The following KCNIP4 variants were observed in gnomAD, a reference collection of about 807,000 sequenced individuals.
KCNIP4 encodes potassium voltage-gated channel interacting protein 4.
Under a neutral mutation model 34.0 loss-of-function variants are expected in KCNIP4, and 12 were observed. The observed-to-expected ratio is 0.35, with a 90% CI of 0.23 to 0.57. The LOEUF (loss-of-function observed/expected upper bound fraction) is 0.57, where lower values mean the gene tolerates loss of function less well. Among genes scored for constraint, KCNIP4 ranks in the 20% least tolerant of loss-of-function variants. The pLI is 0.83. For missense variants in KCNIP4, 238 were observed against 311.7 expected (o/e 0.76, Z 1.78); for synonymous variants, 124 against 102.2 (o/e 1.21, Z -1.29).
intron 1 of KCNIP4, among the ~76,000 whole-genome samples, chr4:21,760,335 C>A (rs936274798): frequency 1.1e-4 from 17 of 152,148 alleles, no homozygotes; most frequent in Non-Finnish European, 1.8e-4. Context: ...CTGGTAATAA[C>A]CATGCCAAGA....
intron 1 of KCNIP4, among the ~76,000 whole-genome samples, chr4:21,093,879 G>A (rs908053434): frequency 1.4e-4 from 22 of 152,120 alleles, no homozygotes; most frequent in South Asian, 6.2e-4. Flanking sequence ...TGAGGAGATC[G>A]AGACCATCCT....
At chr4:20,739,258 A>G (rs527367383) in intron 5 of KCNIP4, among the ~76,000 whole-genome samples, 1 of 152,312 alleles carries the variant, frequency 6.6e-6, no homozygotes, top group African/African-American at 2.4e-5. Flanking sequence ...GGAGTTTGAG[A>G]TCTGAGAACA....
intron 1 of KCNIP4, among the ~76,000 whole-genome samples, chr4:21,093,240 A>G (rs1747156589): frequency 6.6e-6 from 1 of 152,334 alleles, no homozygotes; most frequent in South Asian, 2.1e-4. Context: ...GCGATATTAC[A>G]GCATCTTCAA....
At chr4:21,245,030 G>A (rs1259710048) in intron 1 of KCNIP4, among the ~76,000 whole-genome samples, 4 of 152,104 alleles carry the variant, frequency 2.6e-5, no homozygotes, top group African/African-American at 4.8e-5. Flanking sequence ...CCTTTCTATC[G>A]TATACGAGTA....
chr4:21,743,034 C>T (rs1183270251), intron 1 of KCNIP4, among the ~76,000 whole-genome samples: 2 of 152,020 alleles, frequency 1.3e-5, no homozygotes, highest in Non-Finnish European at 2.9e-5. Flanking sequence ...TTCGGATTTA[C>T]CGTGGATCTG....
chr4:21,523,249 G>C (rs570148380), intron 1 of KCNIP4, among the ~76,000 whole-genome samples: 107 of 152,234 alleles, frequency 7.0e-4, no homozygotes, highest in African/African-American at 2.4e-3. Context: ...AATGAACTAA[G>C]ACACCTATGG....
intron 1 of KCNIP4, among the ~76,000 whole-genome samples, chr4:21,030,226 A>C (rs28362055): frequency 0.025 from 3,760 of 152,106 alleles, 148 homozygotes; most frequent in African/African-American, 0.085. Context: ...AGATTCTCTT[A>C]GGAGCGTGAA....
At chr4:21,869,569 G>C (rs1377701008) in intron 1 of KCNIP4, among the ~76,000 whole-genome samples, 1 of 152,078 alleles carries the variant, frequency 6.6e-6, no homozygotes, top group Non-Finnish European at 1.5e-5. Flanking sequence ...TTGTTGAACA[G>C]CCAGGGTCAA....
At chr4:21,834,855 T>C (rs1723222726) in intron 1 of KCNIP4, among the ~76,000 whole-genome samples, 1 of 152,194 alleles carries the variant, frequency 6.6e-6, no homozygotes, top group Admixed American at 6.6e-5. Flanking sequence ...GATAATCATG[T>C]GGTTTTTGTC....
chr4:21,789,226 A>G (rs1424572605), intron 1 of KCNIP4, among the ~76,000 whole-genome samples: 1 of 152,160 alleles, frequency 6.6e-6, no homozygotes, highest in Non-Finnish European at 1.5e-5. Flanking sequence ...GCCACCTCCC[A>G]CAGAGGATTT....
chr4:21,941,053 C>T (rs1466474568), intron 1 of KCNIP4, among the ~76,000 whole-genome samples: 1 of 152,040 alleles, frequency 6.6e-6, no homozygotes, highest in African/African-American at 2.4e-5. Flanking sequence ...GTTTCTCATG[C>T]TATCATAATG....
chr4:21,190,472 G>A (rs532027156), intron 1 of KCNIP4, among the ~76,000 whole-genome samples: 3 of 147,450 alleles, frequency 2.0e-5, no homozygotes, highest in Admixed American at 6.8e-5. Context: ...TTTGAACTAA[G>A]TGCAACCTTT....
In KCNIP4 at chr4:20,749,670, T is replaced by C; in HGVS notation, c.421A>G (p.Ser141Gly). The change falls in exon 5 of 9, where the codon AGT (serine) becomes GGT (glycine). Residue 141 changes from serine (S) to glycine (G), a missense_variant. Coordinates refer to ENST00000382152, the MANE Select transcript of KCNIP4 (RefSeq NM_025221.6). Reference sequence around the variant, plus strand: ...AATAATCCAGAGCTTACCTCGAAACTCACAGCTCCATTGTGGTCTGTATCA... The same window carrying C: ...AATAATCCAGAGCTTACCTCGAAACCCACAGCTCCATTGTGGTCTGTATCA... ...AFDTDHNGAV[S>G]FEDFIKGLSI... 6.2e-7 allele frequency: 1 copy of C among 1,603,348 alleles called. No individual in the cohort carries two copies. Among genetic ancestry groups the C allele is most frequent in the Non-Finnish European group, 8.5e-7 (1 of 1,171,692 alleles).
chr4:21,531,143 T>C lies in KCNIP4; in HGVS notation c.61+417428A>G, dbSNP rs186598540. On this transcript the variant is annotated intron_variant, in intron 1 of 8. Transcript: ENST00000382152. Reference sequence around the variant, plus strand: ...TTGGTTTTTAGGGAGTCAGGAGCACTAACCTGCTCTTTCAGCTTGCAAGCT... The same window carrying C: ...TTGGTTTTTAGGGAGTCAGGAGCACCAACCTGCTCTTTCAGCTTGCAAGCT... Among the ~76,000 whole-genome samples the C allele has an allele frequency of 4.7e-4, 72 of 152,298 alleles. No homozygotes were observed. The East Asian group carries it at 8.1e-3, about 17-fold the overall frequency.
chr4:21,206,083 T>A (rs981724034), intron 1 of KCNIP4, among the ~76,000 whole-genome samples: 2 of 152,196 alleles, frequency 1.3e-5, no homozygotes, highest in African/African-American at 4.8e-5. Context: ...AATGTTAACA[T>A]TCATTTGCCC....
intron 1 of KCNIP4, among the ~76,000 whole-genome samples, chr4:21,869,363 A>G (rs1420366307): frequency 1.3e-5 from 2 of 152,146 alleles, no homozygotes; most frequent in African/African-American, 2.4e-5. Context: ...AAGGTTGAGA[A>G]TGACACCTGA....
chr4:21,109,785 C>T (rs1305603811), intron 1 of KCNIP4, among the ~76,000 whole-genome samples: 1 of 152,136 alleles, frequency 6.6e-6, no homozygotes, highest in Non-Finnish European at 1.5e-5. Flanking sequence ...TATAATTTTT[C>T]CTACCATATT....
At chr4:21,478,585 G>A (rs1186121100) in intron 1 of KCNIP4, among the ~76,000 whole-genome samples, 1 of 152,094 alleles carries the variant, frequency 6.6e-6, no homozygotes, top group Non-Finnish European at 1.5e-5. Context: ...AAATGTTACC[G>A]TTATTTTGGC....
chr4:21,239,712 A>C (rs910460403), intron 1 of KCNIP4, among the ~76,000 whole-genome samples: 3 of 152,232 alleles, frequency 2.0e-5, no homozygotes, highest in African/African-American at 7.2e-5. Context: ...ATCATTAAAA[A>C]GTCAGGAAAC....
Sources: gnomAD v4.1 joint callset for allele counts (sites outside exome capture counted in the v4.1 genomes callset) on GRCh38, gnomAD v4.1.1 for gene constraint, MANE v1.5 for transcripts, NCBI Gene and HGNC (gene_info 2026-07-23, HGNC 2026-07-21) for gene names.